PDE2A: variants seen among roughly 807,000 people sequenced by gnomAD.
PDE2A encodes the protein cGMP-dependent 3',5'-cyclic phosphodiesterase.
PDE2A carries 53 observed loss-of-function variants against 133.6 expected under a neutral mutation model. The observed-to-expected ratio is 0.40, with a 90% CI of 0.32 to 0.50. The LOEUF (loss-of-function observed/expected upper bound fraction) is 0.50, where lower values mean the gene tolerates loss of function less well. PDE2A is among the 20% of genes least tolerant of loss of function. The pLI is 0.73. For missense variants in PDE2A, 796 were observed against 1,232.4 expected (o/e 0.65, Z 5.30); for synonymous variants, 491 against 490.2 (o/e 1.00, Z -0.02).
At chr11:72,624,492 G>T (rs920990197) in intron 2 of PDE2A, among the ~76,000 whole-genome samples, 18 of 152,182 alleles carry the variant, frequency 1.2e-4, no homozygotes, top group African/African-American at 4.3e-4. Context: ...TCCATGTCAT[G>T]CCTTTGTTTA....
intron 2 of PDE2A, among the ~76,000 whole-genome samples, chr11:72,616,105 G>C (rs536488921): frequency 6.6e-6 from 1 of 152,316 alleles, no homozygotes; most frequent in South Asian, 2.1e-4. Context: ...TCAAGCAGGA[G>C]AGGAGGAGGA....
rs17162383 is a variant in PDE2A, at chr11:72,610,172, C to A, written c.145-1421G>T. Among the ~76,000 whole-genome samples, 1,501 of 152,264 alleles carry A rather than the reference C, an allele frequency of 9.9e-3. 22 individuals are homozygous for A. The highest frequency in any genetic ancestry group is 0.035 in the African/African-American group (1,436 of 41,556). Reference sequence around the variant, plus strand: ...GAGGAGACCCAGGGTTATCAGTCTCCAACTCCAATCTCTCAGACCCTCCTA... The same window carrying A: ...GAGGAGACCCAGGGTTATCAGTCTCAAACTCCAATCTCTCAGACCCTCCTA... On this transcript the variant is annotated intron_variant, in intron 2 of 30. Transcript: ENST00000334456.
chr11:72,619,996 C>T (rs903589014), intron 2 of PDE2A, among the ~76,000 whole-genome samples: 1 of 152,090 alleles, frequency 6.6e-6, no homozygotes, highest in African/African-American at 2.4e-5. Context: ...AAGGAGGGAC[C>T]CCAATTCTCT....
At chr11:72,656,566 C>T (rs1190952782) in intron 1 of PDE2A, among the ~76,000 whole-genome samples, 1 of 152,154 alleles carries the variant, frequency 6.6e-6, no homozygotes, top group East Asian at 1.9e-4. Flanking sequence ...TGCTCACCTC[C>T]ACCCCACTCC....
At chr11:72,579,224 G>A (rs1485744497) in intron 27 of PDE2A, 60 bp downstream of exon 27, 9 of 1,330,382 alleles carry the variant, frequency 6.8e-6, no homozygotes, top group African/African-American at 4.3e-5. Context: ...TGCTCCCCTG[G>A]CAAATCCTTC....
rs1855718824 is a variant in PDE2A at position 72,581,339 on chromosome 11, G to A, written c.2045+18C>T. The A allele has an allele frequency of 6.2e-7, 1 of 1,612,280 alleles. No individual in the cohort carries two copies. The highest frequency in any genetic ancestry group is 8.5e-7 in the Non-Finnish European group (1 of 1,179,558). On this transcript the variant is annotated intron_variant, in intron 23 of 30. Transcript: ENST00000334456. Reference sequence around the variant, plus strand: ...GACCCCAGTGGCTGCCAGATGTGGGGGAGATGCAGCCACTCACTCGAGGTA... The same window carrying A: ...GACCCCAGTGGCTGCCAGATGTGGGAGAGATGCAGCCACTCACTCGAGGTA...
At chr11:72,631,282 C>A in intron 2 of PDE2A, 1 of 615,268 alleles carries the variant, frequency 1.6e-6, no homozygotes, top group Non-Finnish European at 2.9e-6. Flanking sequence ...TGCTCTCTCC[C>A]AAGACTCCCT....
rs577709928 is a variant in PDE2A at position 72,607,014 on chromosome 11, C to T, written c.234+1648G>A. Among the ~76,000 whole-genome samples the T allele has an allele frequency of 1.7e-4, 26 of 152,252 alleles. 1 individual carries two copies. The highest frequency in any genetic ancestry group is 5.1e-4 in the African/African-American group (21 of 41,550). On this transcript the variant is annotated intron_variant, in intron 3 of 30. Transcript: ENST00000334456. ...GGTGCCAGCAGCTCTCCTCCCTGGG[C>T]GGGGGTCCCCTCCCCATCTCTGCTT...
At chr11:72,618,412 C>T (rs1857582545) in intron 2 of PDE2A, among the ~76,000 whole-genome samples, 1 of 152,222 alleles carries the variant, frequency 6.6e-6, no homozygotes, top group Admixed American at 6.5e-5. Context: ...CTCCCCCTAT[C>T]ACTGGGACTC....
chr11:72,595,259 C>T (rs754190083), intron 6 of PDE2A, among the ~76,000 whole-genome samples: 13 of 152,166 alleles, frequency 8.5e-5, no homozygotes, highest in African/African-American at 2.7e-4. Context: ...GAAGGAGGTG[C>T]GTGACCCAGC....
In PDE2A at chr11:72,620,295, C is replaced by T. The variant is rs765583424; in HGVS notation, c.145-11544G>A. Among the ~76,000 whole-genome samples, 8 of 152,272 alleles carry T rather than the reference C, an allele frequency of 5.3e-5. No homozygotes were observed. The South Asian group carries it at 1.7e-3, about 32-fold the overall frequency. On this transcript the variant is annotated intron_variant, in intron 2 of 30. Transcript: ENST00000334456. The stretch of plus-strand genomic sequence containing the variant: ...TTCCCTGGGGCCCTGTGCTCTCCAC[C>T]TACCCCTCAGTGCTCCCTCCCCAAG...
At chr11:72,605,562 T>G (rs1256354723) in intron 3 of PDE2A, among the ~76,000 whole-genome samples, 3 of 152,204 alleles carry the variant, frequency 2.0e-5, no homozygotes, top group Non-Finnish European at 4.4e-5. Flanking sequence ...ACCTGGGATA[T>G]TTCCCTGCCT....
chr11:72,633,096 G>C (rs1299565997), intron 2 of PDE2A, among the ~76,000 whole-genome samples: 2 of 152,174 alleles, frequency 1.3e-5, no homozygotes, highest in East Asian at 3.9e-4. Flanking sequence ...CTGGAGGCCT[G>C]GACTCCATAG....
intron 1 of PDE2A, among the ~76,000 whole-genome samples, chr11:72,672,097 C>G (rs1328767838): frequency 6.6e-6 from 1 of 152,184 alleles, no homozygotes; most frequent in Admixed American, 6.5e-5. Context: ...TCCACTCTAG[C>G]CTCCTGGCCC....
chr11:72,627,480 G>T (rs540947626), intron 2 of PDE2A, among the ~76,000 whole-genome samples: 91 of 152,310 alleles, frequency 6.0e-4, no homozygotes, highest in Non-Finnish European at 5.3e-4. Context: ...GAAAGGAAAG[G>T]TATTCCAGAC....
chr11:72,660,650 A>G (rs1270022131), intron 1 of PDE2A, among the ~76,000 whole-genome samples: 1 of 152,128 alleles, frequency 6.6e-6, no homozygotes, highest in Non-Finnish European at 1.5e-5. Context: ...GAAGTAGAGG[A>G]GCAGAGATCT....
At chr11:72,627,801 T>G (rs1422892668) in intron 2 of PDE2A, among the ~76,000 whole-genome samples, 1 of 152,250 alleles carries the variant, frequency 6.6e-6, no homozygotes, top group Non-Finnish European at 1.5e-5. Context: ...ATCTGGGCCC[T>G]GAGAGCCATC....
Position 72,584,458 on chromosome 11 carries a change from T to G in PDE2A, c.1537+93A>C, listed in dbSNP as rs366711. On this transcript the variant is annotated intron_variant, in intron 18 of 30. Coordinates refer to ENST00000334456, the MANE Select transcript of PDE2A (RefSeq NM_002599.5). ...CCGACTCCCTTATGCTCCGGGACGC[T>G]GGAGGCGGTGGGGAAGTGTTGCCAC... The G allele has an allele frequency of 5.9e-5, 84 of 1,418,146 alleles. No individual in the cohort carries two copies. The African/African-American group carries it at 9.9e-4, about 17-fold the overall frequency. 87.8% of individuals were successfully genotyped at this position (1,418,146 alleles called of 1,614,324 possible).
intron 1 of PDE2A, among the ~76,000 whole-genome samples, chr11:72,646,821 G>T (rs1591126295): frequency 6.6e-6 from 1 of 152,128 alleles, no homozygotes; most frequent in South Asian, 2.1e-4. Flanking sequence ...AGGCATATCT[G>T]CCTGCCAATA....
Sources: allele counts gnomAD v4.1 joint callset (sites outside exome capture counted in the v4.1 genomes callset), GRCh38; gene constraint gnomAD v4.1.1; transcripts MANE v1.5; gene names NCBI Gene and HGNC (gene_info 2026-07-23, HGNC 2026-07-21).